The following CFH variants were observed in gnomAD, a reference collection of about 807,000 sequenced individuals.
CFH encodes the protein complement factor H.
CFH carries 53 observed loss-of-function variants against 147.3 expected under a neutral mutation model. The observed-to-expected ratio is 0.36, with a 90% CI of 0.29 to 0.45. The LOEUF (loss-of-function observed/expected upper bound fraction) is 0.45, where lower values mean the gene tolerates loss of function less well. CFH is among the 20% of genes least tolerant of loss of function. The probability of loss-of-function intolerance (pLI) is 1.00; values close to 1 mark genes in which losing one functional copy is unlikely to be tolerated. For synonymous variants in CFH, 536 were observed against 489.4 expected (o/e 1.10, Z -1.26); for missense variants, 1,380 against 1,498.0 (o/e 0.92, Z 1.30).
intron 9 of CFH, among the ~76,000 whole-genome samples, chr1:196,705,657 C>A (rs1399437857): frequency 6.6e-6 from 1 of 152,132 alleles, no homozygotes; most frequent in Non-Finnish European, 1.5e-5. Context: ...CTGTAGCCTA[C>A]TTTTCAAAAC....
chr1:196,687,822 C>G lies in CFH; in HGVS notation c.965-1598C>G, dbSNP rs151315348. On this transcript the variant is annotated intron_variant, in intron 7 of 21. Coordinates refer to ENST00000367429, the MANE Select transcript of CFH (RefSeq NM_000186.4). ...CTAAGTAAATGTTTTAATTTCAACA[C>G]TGGGAGCTTCAGATAAATAGGGAAA... 2.9e-3 allele frequency among the ~76,000 whole-genome samples: 440 copies of G among 151,956 alleles called. 2 individuals carry two copies. Among genetic ancestry groups the G allele is most frequent in the East Asian group, 0.021 (107 of 5,158 alleles).
Position 196,652,053 on chromosome 1 carries a change from G to T in CFH, c.-65G>T, listed in dbSNP as rs1253082856. The T allele has an allele frequency of 1.8e-6, 2 of 1,135,230 alleles. No homozygotes were observed. Among genetic ancestry groups the T allele is most frequent in the African/African-American group, 3.0e-5 (2 of 65,606 alleles). The allele number at this position is 1,135,230 out of a possible 1,614,324, so 70.3% of individuals were successfully genotyped here. On this transcript the variant is annotated 5_prime_UTR_variant, in exon 1 of 22. Coordinates refer to ENST00000367429, the MANE Select transcript of CFH (RefSeq NM_000186.4). ...TTTCCTGCACTAATCACAATTCTTG[G>T]AAGAGGAGAACTGGACGTTGTGAAC...
At position 196,725,278 on chromosome 1, in the gene CFH, T is replaced by A; in HGVS notation, c.1854T>A (p.Pro618=). The stretch of plus-strand genomic sequence containing the variant: ...AGTGCTACCACTTTGGATTGTCTCC[T>A]GACCTCCCAATATGTAAAGGTGAAT... ...SVQCYHFGLS[P]DLPICKEQVQ... Residue 618 remains proline (P), a synonymous_variant, in exon 12 of 22, where the codon CCT becomes CCA. Transcript: ENST00000367429. 4 of 1,613,838 alleles carry A rather than the reference T, an allele frequency of 2.5e-6. No individual in the cohort carries two copies. The highest frequency in any genetic ancestry group is 3.4e-6 in the Non-Finnish European group (4 of 1,179,792).
In CFH at chr1:196,711,327, A is replaced by T. The variant is rs115857719; in HGVS notation, c.1337-2408A>T. ...GTATTTAGTGACACCAATTTATTTC[A>T]TACTGCTCTAGTGCCATTCCACAAC... is the stretch of plus-strand genomic sequence containing the variant. On this transcript the variant is annotated intron_variant, in intron 9 of 21. Coordinates refer to ENST00000367429, the MANE Select transcript of CFH (RefSeq NM_000186.4). 9.3e-3 allele frequency among the ~76,000 whole-genome samples: 1,414 copies of T among 152,246 alleles called. 19 individuals carry two copies. The highest frequency in any genetic ancestry group is 0.032 in the African/African-American group (1,315 of 41,562).
At chr1:196,721,809 C>T in intron 11 of CFH, among the ~76,000 whole-genome samples, 1 of 81,818 alleles carries the variant, frequency 1.2e-5, no homozygotes, top group Admixed American at 1.5e-4. Flanking sequence ...TAATGAACTT[C>T]TTGTCTTTTT....
intron 7 of CFH, among the ~76,000 whole-genome samples, chr1:196,688,333 TTAAA>T (rs1274556618): frequency 1.3e-5 from 2 of 152,052 alleles, no homozygotes; most frequent in Non-Finnish European, 2.9e-5. Flanking sequence ...TGTACCTTAC[TTAAA>T]TATATTTTAT....
chr1:196,685,378 G>A (rs561314062), intron 7 of CFH, 141 bp downstream of exon 7: 91 of 871,626 alleles, frequency 1.0e-4, no homozygotes, highest in Middle Eastern at 2.3e-4. Flanking sequence ...TTTAGTTTTC[G>A]AAGTTGCCGA....
intron 11 of CFH, among the ~76,000 whole-genome samples, chr1:196,717,639 T>C (rs1668902274): frequency 6.6e-6 from 1 of 152,004 alleles, no homozygotes; most frequent in Admixed American, 6.6e-5. Context: ...TTGAATCTAA[T>C]AGGAAGATCA....
chr1:196,727,441 T>C (rs1228284218), intron 14 of CFH, among the ~76,000 whole-genome samples: 2 of 152,086 alleles, frequency 1.3e-5, no homozygotes, highest in East Asian at 1.9e-4. Flanking sequence ...GAATTCGAGA[T>C]TGCAGTGAGC....
intron 9 of CFH, among the ~76,000 whole-genome samples, chr1:196,691,477 G>A (rs1408022615): frequency 6.6e-6 from 1 of 151,902 alleles, no homozygotes; most frequent in Non-Finnish European, 1.5e-5. Flanking sequence ...GCTATAAAAT[G>A]TTATAACATT....
At chr1:196,724,977 G>T in intron 11 of CFH, 144 bp from the exon 12 acceptor site, 1 of 646,022 alleles carries the variant, frequency 1.5e-6, no homozygotes, top group East Asian at 2.8e-5. Context: ...AACATAATAT[G>T]TAGCATTCTT....
Position 196,714,668 on chromosome 1 carries a change from TAGAGAGAGAGAGAGAG to T in CFH, c.1519+787_1519+802del, listed in dbSNP as rs1205328020. ...ATATATATATATATATATATATATA[TAGAGAGAGAGAGAGAG>T]AGAGAGAGAGAGAGAGAGAGAGAGA... On this transcript the variant is annotated intron_variant, in intron 10 of 21. Coordinates refer to ENST00000367429, the MANE Select transcript of CFH (RefSeq NM_000186.4). Among the ~76,000 whole-genome samples, 83 of 21,280 alleles carry T rather than the reference TAGAGAGAGAGAGAGAG, an allele frequency of 3.9e-3. 1 individual carries two copies. Among genetic ancestry groups the T allele is most frequent in the Admixed American group, 0.011 (14 of 1,272 alleles). The allele number at this position is 21,280 out of a possible 152,430, so 14.0% of individuals were successfully genotyped here. A position where few individuals can be genotyped will look rare whatever the true frequency, so the allele number is the denominator to read the frequency against.
intron 7 of CFH, among the ~76,000 whole-genome samples, chr1:196,688,242 C>T (rs971446859): frequency 2.6e-5 from 4 of 151,726 alleles, no homozygotes; most frequent in African/African-American, 9.7e-5. Context: ...ATATATAAAC[C>T]TGTTAATATA....
intron 9 of CFH, among the ~76,000 whole-genome samples, chr1:196,701,111 T>C (rs1172647213): frequency 6.6e-6 from 1 of 152,186 alleles, no homozygotes; most frequent in Non-Finnish European, 1.5e-5. Context: ...AAACTTTATA[T>C]GGAAAGGTCT....
At position 196,736,912 on chromosome 1, in the gene CFH, A is replaced by C. The variant is rs1379860048; in HGVS notation, c.2502A>C (p.Lys834Asn). Residue 834 changes from lysine to asparagine, a missense_variant, in exon 16 of 22, where the codon AAA (lysine) becomes AAC (asparagine). Around this residue, in one of 4 missense-constraint regions of CFH, gnomAD observed 830 missense variants for 821.4 expected, o/e 1.01. Transcript: ENST00000367429. ...TTTLNYRDGE[K>N]VSVLCQENYL... ...CACTGAATTATCGGGATGGAGAAAA[A>C]GTATCTGTTCTTTGCCAAGAAAATT... The C allele has an allele frequency of 6.2e-7, 1 of 1,610,722 alleles. No individual in the cohort carries two copies. The highest frequency in any genetic ancestry group is 8.5e-7 in the Non-Finnish European group (1 of 1,177,890).
intron 3 of CFH, among the ~76,000 whole-genome samples, chr1:196,674,221 T>C (rs1667380552): frequency 6.6e-6 from 1 of 152,100 alleles, no homozygotes; most frequent in Admixed American, 6.6e-5. Context: ...TGCACATATA[T>C]AAGTATTCAC....
chr1:196,686,488 T>C (rs896491648), intron 7 of CFH, among the ~76,000 whole-genome samples: 8 of 152,108 alleles, frequency 5.3e-5, no homozygotes, highest in Non-Finnish European at 1.2e-4. Flanking sequence ...ATGTTTTTTC[T>C]ATCTCTACAA....
chr1:196,667,027 A>G (rs2149073755), intron 1 of CFH, among the ~76,000 whole-genome samples: 1 of 152,266 alleles, frequency 6.6e-6, no homozygotes, highest in South Asian at 2.1e-4. Flanking sequence ...TGTTGCTTAT[A>G]TCTTGTATAT....
At chr1:196,733,151 G>A (rs187830751) in intron 15 of CFH, among the ~76,000 whole-genome samples, 44 of 152,114 alleles carry the variant, frequency 2.9e-4, no homozygotes, top group East Asian at 5.8e-4. Flanking sequence ...TCATTGGGGC[G>A]AGACTCATGA....
Sources: gnomAD v4.1 joint callset for allele counts (sites outside exome capture counted in the v4.1 genomes callset) on GRCh38, gnomAD v4.1.1 for gene constraint, gnomAD v4.1.1 regional missense constraint, MANE v1.5 for transcripts, NCBI Gene and HGNC (gene_info 2026-07-23, HGNC 2026-07-21) for gene names.